The following SPAG16 variants were observed in gnomAD, a reference collection of about 807,000 sequenced individuals.
SPAG16 encodes sperm associated antigen 16, also known as sperm-associated antigen 16 protein.
A neutral mutation model predicts 80.4 loss-of-function variants in SPAG16; 86 were observed. The observed-to-expected ratio is 1.07, with a 90% CI of 0.90 to 1.28. SPAG16 has a LOEUF of 1.28. Ranked by LOEUF, SPAG16 falls within the 50% of genes most tolerant of loss-of-function variation. The pLI is 0.00. For missense variants in SPAG16, 870 were observed against 765.3 expected, an observed-to-expected ratio of 1.14 and a Z score of -1.61; for synonymous variants, 294 against 265.9, an observed-to-expected ratio of 1.11 and a Z score of -1.03.
intron 15 of SPAG16, among the ~76,000 whole-genome samples, chr2:214,317,377 A>G (rs1351962023): frequency 6.6e-6 from 1 of 152,242 alleles, no homozygotes; most frequent in Non-Finnish European, 1.5e-5. Flanking sequence ...AGACTACATT[A>G]AAATATCAAA....
At chr2:213,590,328 T>C (rs185152176) in intron 10 of SPAG16, among the ~76,000 whole-genome samples, 86 of 152,084 alleles carry the variant, frequency 5.7e-4, no homozygotes, top group Non-Finnish European at 7.2e-4. Flanking sequence ...TAGTACATGA[T>C]AGATAGTTTT....
At chr2:213,851,713 G>C (rs1226088692) in intron 10 of SPAG16, among the ~76,000 whole-genome samples, 2 of 152,130 alleles carry the variant, frequency 1.3e-5, no homozygotes, top group African/African-American at 4.8e-5. Context: ...CAGGTGGCAA[G>C]GCATATACAA....
At chr2:213,895,066 G>A (rs1198689440) in intron 11 of SPAG16, among the ~76,000 whole-genome samples, 2 of 140,086 alleles carry the variant, frequency 1.4e-5, no homozygotes, top group Non-Finnish European at 3.1e-5. Flanking sequence ...AATGAATTCA[G>A]TAAAGTTACA....
intron 10 of SPAG16, among the ~76,000 whole-genome samples, chr2:213,588,811 A>AAAAAAAT (rs2060572047): frequency 9.2e-6 from 1 of 108,550 alleles, no homozygotes; most frequent in Non-Finnish European, 1.7e-5. Context: ...TCCGTCTCAA[A>AAAAAAAT]AAAAAAAAAA....
At chr2:213,519,133 C>T (rs2075561939) in intron 10 of SPAG16, among the ~76,000 whole-genome samples, 1 of 152,016 alleles carries the variant, frequency 6.6e-6, no homozygotes, top group African/African-American at 2.4e-5. Context: ...TGCAATATAC[C>T]CAAGTAACAA....
chr2:213,531,934 T>C (rs958293477), intron 10 of SPAG16, among the ~76,000 whole-genome samples: 11 of 152,200 alleles, frequency 7.2e-5, no homozygotes, highest in African/African-American at 2.4e-4. Context: ...GTATCTTGTA[T>C]ATGTACAGAG....
intron 10 of SPAG16, among the ~76,000 whole-genome samples, chr2:213,660,134 C>T (rs1200557664): frequency 6.6e-6 from 1 of 152,060 alleles, no homozygotes; most frequent in Non-Finnish European, 1.5e-5. Context: ...TATAACACAG[C>T]AAAGAAATAT....
chr2:214,036,613 C>A (rs913190913), intron 13 of SPAG16, among the ~76,000 whole-genome samples: 4 of 152,146 alleles, frequency 2.6e-5, no homozygotes, highest in African/African-American at 9.7e-5. Context: ...ATTGTATTTT[C>A]TCCCTTTTTA....
chr2:214,285,644 A>T (rs1056648123), intron 15 of SPAG16, among the ~76,000 whole-genome samples: 1 of 152,086 alleles, frequency 6.6e-6, no homozygotes, highest in African/African-American at 2.4e-5. Context: ...TCTACTAAAA[A>T]TACAAAAAAT....
rs1461657294 is a variant in SPAG16 at position 214,354,475 on chromosome 2, A to G, written c.1721-55665A>G. 2.6e-5 allele frequency among the ~76,000 whole-genome samples: 4 copies of G among 152,110 alleles called. No individual in the cohort carries two copies. The South Asian group carries it at 8.3e-4, about 32-fold the overall frequency. ...TCTTTTGGCTTAGAATTGACTTGGC[A>G]ATGCAGGCTCTTTTTTGGTTCCATA... On this transcript the variant is annotated intron_variant, in intron 15 of 15. Transcript: ENST00000331683.
At chr2:213,738,355 G>T (rs547542352) in intron 10 of SPAG16, among the ~76,000 whole-genome samples, 3 of 152,256 alleles carry the variant, frequency 2.0e-5, no homozygotes, top group South Asian at 4.1e-4. Context: ...AGGCAAGGTA[G>T]GAGATTAATG....
At chr2:214,252,691 A>G (rs990902244) in intron 15 of SPAG16, among the ~76,000 whole-genome samples, 1 of 152,122 alleles carries the variant, frequency 6.6e-6, no homozygotes, top group African/African-American at 2.4e-5. Context: ...AACCCAGTCT[A>G]TTATTGATGG....
At chr2:213,438,050 A>T (rs2125515682) in intron 9 of SPAG16, among the ~76,000 whole-genome samples, 1 of 152,336 alleles carries the variant, frequency 6.6e-6, no homozygotes, top group Admixed American at 6.5e-5. Flanking sequence ...AGGTTCAGGC[A>T]GTGTTGCTTA....
chr2:213,674,481 C>T (rs1301623275), intron 10 of SPAG16, among the ~76,000 whole-genome samples: 2 of 151,038 alleles, frequency 1.3e-5, no homozygotes, highest in Non-Finnish European at 1.5e-5. Context: ...TGCGCTGCAC[C>T]CACTAACTCG....
chr2:213,634,958 GTACATATATATA>G (rs2062303822), intron 10 of SPAG16, among the ~76,000 whole-genome samples: 1 of 150,956 alleles, frequency 6.6e-6, no homozygotes, highest in African/African-American at 2.4e-5. Context: ...ATATTCCATG[GTACATATATATA>G]TACTCCACAT....
chr2:214,024,598 A>G (rs1036888861), intron 13 of SPAG16, among the ~76,000 whole-genome samples: 2 of 151,528 alleles, frequency 1.3e-5, no homozygotes, highest in African/African-American at 4.8e-5. Flanking sequence ...AAACTTAAAG[A>G]TATTTGTTTA....
At chr2:214,087,202 G>C (rs1467461997) in intron 13 of SPAG16, among the ~76,000 whole-genome samples, 1 of 152,082 alleles carries the variant, frequency 6.6e-6, no homozygotes, top group Non-Finnish European at 1.5e-5. Flanking sequence ...GAGAAATAAA[G>C]AGTTAAATGC....
At chr2:214,078,831 C>T (rs576905873) in intron 13 of SPAG16, among the ~76,000 whole-genome samples, 5 of 152,230 alleles carry the variant, frequency 3.3e-5, no homozygotes, top group African/African-American at 1.2e-4. Flanking sequence ...TGTAATTCTA[C>T]GCCCTTATCA....
intron 10 of SPAG16, among the ~76,000 whole-genome samples, chr2:213,611,658 AG>A (rs1409909062): frequency 6.6e-6 from 1 of 152,202 alleles, no homozygotes; most frequent in Non-Finnish European, 1.5e-5. Flanking sequence ...TAAAATGTCC[AG>A]GGTAAATGGA....
Sources: allele counts gnomAD v4.1 joint callset (sites outside exome capture counted in the v4.1 genomes callset), GRCh38; gene constraint gnomAD v4.1.1; transcripts MANE v1.5; gene names NCBI Gene and HGNC (gene_info 2026-07-23, HGNC 2026-07-21).